LIN54: variants seen among roughly 807,000 people sequenced by gnomAD.
LIN54 encodes protein lin-54 homolog.
Under a neutral mutation model 78.7 loss-of-function variants are expected in LIN54, and 9 were observed. The ratio of observed to expected loss-of-function variants is 0.11; its 90% CI spans 0.07 to 0.20. LIN54 has a LOEUF of 0.20. Ranked by LOEUF, LIN54 falls within the 10% of genes least tolerant of loss-of-function variation. LIN54 has a pLI of 1.00. For missense variants in LIN54, 573 were observed against 889.9 expected (o/e 0.64, Z 4.53); for synonymous variants, 269 against 318.4 (o/e 0.84, Z 1.65).
intron 3 of LIN54, among the ~76,000 whole-genome samples, chr4:82,971,674 C>T (rs900343131): frequency 2.6e-5 from 4 of 152,010 alleles, no homozygotes; most frequent in Non-Finnish European, 5.9e-5. Context: ...TGCAGAGAAA[C>T]AGAAAATATT....
At chr4:82,940,784 C>T (rs926595994) in intron 5 of LIN54, among the ~76,000 whole-genome samples, 2 of 152,260 alleles carry the variant, frequency 1.3e-5, no homozygotes, top group Admixed American at 6.5e-5. Flanking sequence ...GTCATAAGAC[C>T]CAGGGCATTT....
intron 1 of LIN54, among the ~76,000 whole-genome samples, chr4:82,997,025 C>T (rs1578644880): frequency 1.3e-5 from 2 of 152,148 alleles, no homozygotes; most frequent in East Asian, 3.9e-4. Flanking sequence ...TATTGTCCCT[C>T]CTCAACTTCT....
At chr4:82,982,663 T>C (rs972222882) in intron 2 of LIN54, among the ~76,000 whole-genome samples, 4 of 152,180 alleles carry the variant, frequency 2.6e-5, no homozygotes, top group Non-Finnish European at 5.9e-5. Flanking sequence ...CAAGAGATTC[T>C]TGGCAAAAAT....
At chr4:82,976,419 G>C (rs570895561) in intron 3 of LIN54, among the ~76,000 whole-genome samples, 1 of 151,844 alleles carries the variant, frequency 6.6e-6, no homozygotes, top group Non-Finnish European at 1.5e-5. Context: ...CTTTGAAAGA[G>C]CATTAGCTAG....
chr4:82,997,268 G>A (rs2126102701), intron 1 of LIN54, among the ~76,000 whole-genome samples: 1 of 152,062 alleles, frequency 6.6e-6, no homozygotes, highest in South Asian at 2.1e-4. Flanking sequence ...AATGCTCTGG[G>A]ACTTCACAAC....
At chr4:82,948,649 C>T (rs1723601741) in intron 4 of LIN54, among the ~76,000 whole-genome samples, 1 of 152,104 alleles carries the variant, frequency 6.6e-6, no homozygotes, top group Non-Finnish European at 1.5e-5. Context: ...TAGATTTCTA[C>T]ACTTGTTCAT....
chr4:82,968,036 G>A (rs1437341087), intron 4 of LIN54, among the ~76,000 whole-genome samples: 1 of 150,374 alleles, frequency 6.7e-6, no homozygotes, highest in Admixed American at 6.6e-5. Context: ...GCTTGTTTTT[G>A]TTTTTTGTTT....
chr4:82,937,261 G>T lies in LIN54; in HGVS notation c.1570C>A (p.Pro524Thr). 6.4e-7 allele frequency: 1 copy of T among 1,561,332 alleles called. No individual in the cohort carries two copies. Among genetic ancestry groups the T allele is most frequent in the Non-Finnish European group, 8.8e-7 (1 of 1,131,916 alleles). ...CACAGTGATTTTGTACAATTACAGG[G>T]CTTTCGGGGCCGACTGGCCGACTCT... ...PSESASRPRK[P>T]CNCTKSLCLK... The change falls in exon 9 of 13, where the codon CCC becomes ACC. Residue 524 changes from proline to threonine, a missense_variant. Transcript: ENST00000340417.
At chr4:82,975,748 A>G (rs1726114043) in intron 3 of LIN54, among the ~76,000 whole-genome samples, 1 of 152,062 alleles carries the variant, frequency 6.6e-6, no homozygotes, top group Admixed American at 6.6e-5. Flanking sequence ...CAAAAAAACA[A>G]AAAAAACTAC....
chr4:82,946,712 G>C (rs1723386374), intron 4 of LIN54, among the ~76,000 whole-genome samples: 1 of 152,142 alleles, frequency 6.6e-6, no homozygotes, highest in Non-Finnish European at 1.5e-5. Flanking sequence ...GTCCATTTCA[G>C]ATGACTTGCT....
At position 82,926,329 on chromosome 4, in the gene LIN54, T is replaced by C. The variant is rs951676553; in HGVS notation, c.*1773A>G. 2.6e-5 allele frequency: 4 copies of C among 152,506 alleles called. No individual in the cohort carries two copies. The highest frequency in any genetic ancestry group is 1.3e-4 in the Admixed American group (2 of 15,246). The allele number at this position is 152,506 out of a possible 1,614,324, so 9.4% of individuals were successfully genotyped here. ...CAAATTTTAATTAAACATACTAGATTGAGGTGCTAAGAATGTTTGAACTAT... is the reference window on the plus strand; with the variant it reads ...CAAATTTTAATTAAACATACTAGATCGAGGTGCTAAGAATGTTTGAACTAT... On this transcript the variant is annotated 3_prime_UTR_variant, in exon 13 of 13. Coordinates refer to ENST00000340417, the MANE Select transcript of LIN54 (RefSeq NM_194282.4).
In LIN54 at chr4:82,927,954, A is replaced by C; in HGVS notation, c.*148T>G. ...AAAATGTACTAATTTCCTCATTTAA[A>C]ATTTCTTCTCCTTCAGTATTATAAT... On this transcript the variant is annotated 3_prime_UTR_variant, in exon 13 of 13. Coordinates refer to ENST00000340417, the MANE Select transcript of LIN54 (RefSeq NM_194282.4). 1.5e-6 allele frequency: 1 copy of C among 645,782 alleles called. No homozygotes were observed. Among genetic ancestry groups the C allele is most frequent in the South Asian group, 2.1e-5 (1 of 48,676 alleles). The allele number at this position is 645,782 out of a possible 1,614,324, so 40.0% of individuals were successfully genotyped here.
At chr4:82,952,489 G>T (rs1172129321) in intron 4 of LIN54, among the ~76,000 whole-genome samples, 1 of 152,168 alleles carries the variant, frequency 6.6e-6, no homozygotes, top group Non-Finnish European at 1.5e-5. Context: ...AGAGAAACTG[G>T]AATCTTTATG....
At chr4:82,982,419 A>C (rs994666452) in intron 2 of LIN54, among the ~76,000 whole-genome samples, 4 of 152,022 alleles carry the variant, frequency 2.6e-5, no homozygotes, top group African/African-American at 9.7e-5. Flanking sequence ...TGGTAGAAAC[A>C]GGGTTTCACT....
At chr4:83,002,279 T>C (rs1370473561) in intron 1 of LIN54, among the ~76,000 whole-genome samples, 1 of 151,528 alleles carries the variant, frequency 6.6e-6, no homozygotes, top group South Asian at 2.1e-4. Context: ...TGCATGCCTT[T>C]AATCCCAGCT....
intron 1 of LIN54, among the ~76,000 whole-genome samples, chr4:83,009,232 G>A (rs1265314028): frequency 6.6e-6 from 1 of 151,996 alleles, no homozygotes; most frequent in African/African-American, 2.4e-5. Context: ...CAAAATTTGT[G>A]ATATATGACA....
intron 3 of LIN54, among the ~76,000 whole-genome samples, chr4:82,975,182 AC>A (rs1393111500): frequency 6.6e-6 from 1 of 151,672 alleles, no homozygotes; most frequent in Non-Finnish European, 1.5e-5. Context: ...AAATGGTGAA[AC>A]CCCTTCTCTA....
intron 1 of LIN54, among the ~76,000 whole-genome samples, chr4:82,995,489 C>CTTTTTTTTTTTTTTTTTTTTTTTTTTTT (rs749880882): frequency 1.3e-5 from 1 of 76,348 alleles, no homozygotes; most frequent in African/African-American, 5.0e-5. Flanking sequence ...ATCCTTATCT[C>CTTTTTTTTTTTTTTTTTTTTTTTTTTTT]TTTTTTTTTT....
chr4:82,956,202 T>C (rs1386746609), intron 4 of LIN54, among the ~76,000 whole-genome samples: 1 of 151,980 alleles, frequency 6.6e-6, no homozygotes, highest in African/African-American at 2.4e-5. Context: ...CCACCTGCCT[T>C]GGCCTCCCAA....
Sources: allele counts gnomAD v4.1 joint callset (sites outside exome capture counted in the v4.1 genomes callset), GRCh38; gene constraint gnomAD v4.1.1; transcripts MANE v1.5; gene names NCBI Gene and HGNC (gene_info 2026-07-23, HGNC 2026-07-21).